ARSG: variants seen among roughly 807,000 people sequenced by gnomAD.
ARSG encodes ASG.
Under a neutral mutation model 50.5 loss-of-function variants are expected in ARSG, and 37 were observed. The observed-to-expected ratio is 0.73, with a 90% CI of 0.56 to 0.96. The LOEUF (loss-of-function observed/expected upper bound fraction) is 0.96. Ranked by LOEUF, ARSG falls within the 50% of genes least tolerant of loss-of-function variation. ARSG has a pLI of 0.00. For synonymous variants in ARSG, 225 were observed against 254.6 expected (o/e 0.88, Z 1.11); for missense variants, 629 against 675.3 (o/e 0.93, Z 0.76).
intron 1 of ARSG, among the ~76,000 whole-genome samples, chr17:68,280,199 AAG>A (rs1489735173): frequency 1.4e-4 from 21 of 149,120 alleles, no homozygotes; most frequent in Middle Eastern, 6.9e-3. Flanking sequence ...AAAAAAAAAA[AAG>A]AATTATTTAT....
chr17:68,414,697 AT>A (rs1373160306), intron 11 of ARSG, among the ~76,000 whole-genome samples: 3 of 152,156 alleles, frequency 2.0e-5, no homozygotes, highest in African/African-American at 4.8e-5. Flanking sequence ...AAAAATTACC[AT>A]TTTAATCTCG....
In ARSG at chr17:68,381,565, CTTATAAGGTCATAT is replaced by C. The variant is rs1226133030; in HGVS notation, c.983-3494_983-3481del. On this transcript the variant is annotated intron_variant, in intron 8 of 11. Transcript: ENST00000621439. The surrounding 1 kb of genome is among the most constrained non-coding windows in gnomAD (Gnocchi z 4.1). ...GGATTGTCTATTGTTCTTACTATGA[CTTATAAGGTCATAT>C]TTATGATGCTATGGCATAGAGGTAT... Among the ~76,000 whole-genome samples the C allele has an allele frequency of 6.6e-6, 1 of 151,250 alleles. No individual in the cohort carries two copies. Among genetic ancestry groups the C allele is most frequent in the Non-Finnish European group, 1.5e-5 (1 of 67,812 alleles).
rs60992187 is a variant in ARSG, at chr17:68,418,790, G to C, written c.1304-1399G>C. Among the ~76,000 whole-genome samples, 183 of 152,258 alleles carry C rather than the reference G, an allele frequency of 1.2e-3. 1 individual carries two copies. Among genetic ancestry groups the C allele is most frequent in the African/African-American group, 4.2e-3 (175 of 41,548 alleles). On this transcript the variant is annotated intron_variant, in intron 11 of 11. Transcript: ENST00000621439. ...TCCCCTGTAGGAGAAGGAGCCACTGGAAGAATTTCTCTCAGATTTTAGTGC... is the reference window on the plus strand; with the variant it reads ...TCCCCTGTAGGAGAAGGAGCCACTGCAAGAATTTCTCTCAGATTTTAGTGC...
intron 2 of ARSG, among the ~76,000 whole-genome samples, chr17:68,336,396 G>C (rs536653524): frequency 6.6e-6 from 1 of 151,840 alleles, no homozygotes. Context: ...TTTTAGTAGG[G>C]ACAGGGTTTC....
At position 68,271,187 on chromosome 17, in the gene ARSG, C is replaced by A; in HGVS notation, c.-552+11761C>A. The stretch of plus-strand genomic sequence containing the variant: ...AATAAAAAAGCAGCGCGGTCCTGGT[C>A]AATGCCCAGACTAATGCCCAGAGGA... On this transcript the variant is annotated intron_variant, in intron 1 of 11. Coordinates refer to the ARSG transcript ENST00000448504. This position sits in a 1 kb window ranked among gnomAD's most constrained non-coding sequence, Gnocchi z 5.3. The A allele has an allele frequency of 2.5e-6, 4 of 1,614,010 alleles. No individual in the cohort carries two copies. In the South Asian group the frequency reaches 4.4e-5, roughly 18 times the overall value.
chr17:68,322,611 G>A (rs886603910), intron 2 of ARSG, among the ~76,000 whole-genome samples: 2 of 150,476 alleles, frequency 1.3e-5, no homozygotes, highest in African/African-American at 4.9e-5. Context: ...GTGAGACTCC[G>A]TCTCAAAAAA....
chr17:68,311,161 A>G (rs2076838460), intron 2 of ARSG, among the ~76,000 whole-genome samples: 1 of 152,186 alleles, frequency 6.6e-6, no homozygotes, highest in Non-Finnish European at 1.5e-5. Flanking sequence ...GTCTCAAAAC[A>G]AACAAACAAA....
intron 2 of ARSG, among the ~76,000 whole-genome samples, chr17:68,320,994 G>A (rs933582111): frequency 3.0e-4 from 45 of 152,236 alleles, no homozygotes; most frequent in African/African-American, 9.4e-4. Context: ...TCAGCTGCCA[G>A]GAATCCTTTC....
At chr17:68,293,318 C>T (rs2076085609) in intron 1 of ARSG, among the ~76,000 whole-genome samples, 1 of 152,124 alleles carries the variant, frequency 6.6e-6, no homozygotes, top group Non-Finnish European at 1.5e-5. Context: ...AAGGTGCAGC[C>T]AGCCATTTAT....
intron 5 of ARSG, among the ~76,000 whole-genome samples, chr17:68,353,389 C>T (rs1017233598): frequency 6.6e-6 from 1 of 152,082 alleles, no homozygotes; most frequent in Non-Finnish European, 1.5e-5. Flanking sequence ...CACTTACATG[C>T]TTGGTAGAAG....
At chr17:68,411,722 G>A (rs1232633067) in intron 11 of ARSG, among the ~76,000 whole-genome samples, 2 of 147,678 alleles carry the variant, frequency 1.4e-5, no homozygotes, top group Non-Finnish European at 3.0e-5. Context: ...TTGACAGTGG[G>A]GTGTTAAAGT....
At chr17:68,363,871 G>A (rs549630374) in intron 6 of ARSG, among the ~76,000 whole-genome samples, 4 of 152,124 alleles carry the variant, frequency 2.6e-5, no homozygotes, top group Non-Finnish European at 2.9e-5. Flanking sequence ...ATGGTGGGGC[G>A]GGGGACAAGT....
chr17:68,291,372 T>G (rs2075981816), upstream of ARSG: 1 of 140,028 alleles, frequency 7.1e-6, no homozygotes, highest in African/African-American at 2.6e-5. Flanking sequence ...CCCGCGTCGC[T>G]GCCTAGCTCT....
At chr17:68,297,482 T>C (rs1049099357) in intron 1 of ARSG, among the ~76,000 whole-genome samples, 4 of 152,202 alleles carry the variant, frequency 2.6e-5, no homozygotes, top group Non-Finnish European at 5.9e-5. Context: ...TGGTGGCGTG[T>C]TTGTAGCTTC....
chr17:68,280,362 A>C (rs1555752292), intron 1 of ARSG, among the ~76,000 whole-genome samples: 6 of 152,132 alleles, frequency 3.9e-5, no homozygotes, highest in Non-Finnish European at 7.4e-5. Flanking sequence ...ACAAAGCTGG[A>C]GGCATCACAC....
chr17:68,412,237 A>C (rs897736501), intron 11 of ARSG, among the ~76,000 whole-genome samples: 105 of 152,282 alleles, frequency 6.9e-4, no homozygotes, highest in African/African-American at 2.5e-3. Flanking sequence ...ACATTTTGGC[A>C]TGATTTTGCA....
At chr17:68,365,455 G>A (rs1479634011) in intron 6 of ARSG, among the ~76,000 whole-genome samples, 1 of 152,238 alleles carries the variant, frequency 6.6e-6, no homozygotes, top group African/African-American at 2.4e-5. Context: ...ACACAGTCAT[G>A]AAATAACAAA....
the ARSG span, chr17:68,429,932 G>A: frequency 6.2e-7 from 1 of 1,602,100 alleles, no homozygotes; most frequent in Non-Finnish European, 8.5e-7. Context: ...GGGGATTTTT[G>A]TGCTTTGGAA....
intron 11 of ARSG, 39 bp downstream of exon 11, chr17:68,401,489 C>G (rs1221499928): frequency 1.3e-6 from 2 of 1,590,936 alleles, no homozygotes; most frequent in Admixed American, 3.4e-5. Flanking sequence ...CCCACAGTCA[C>G]AGCTGCACGG....
Sources: allele counts gnomAD v4.1 joint callset (sites outside exome capture counted in the v4.1 genomes callset), GRCh38; gene constraint gnomAD v4.1.1; non-coding constraint Gnocchi (gnomAD v3.1); transcripts MANE v1.5; gene names NCBI Gene and HGNC (gene_info 2026-07-23, HGNC 2026-07-21).